DLGAP1: variants seen among roughly 807,000 people sequenced by gnomAD.
The protein encoded by DLGAP1 is disks large-associated protein 1.
Under a neutral mutation model 90.8 loss-of-function variants are expected in DLGAP1, and 11 were observed. The ratio of observed to expected loss-of-function variants is 0.12; its 90% confidence interval spans 0.08 to 0.20. The LOEUF (loss-of-function observed/expected upper bound fraction) is 0.20. Among genes scored for constraint, DLGAP1 ranks in the 10% least tolerant of loss-of-function variants. The pLI is 1.00. For missense variants in DLGAP1, 1,050 were observed against 1,333.8 expected (o/e 0.79, Z 3.31); for synonymous variants, 558 against 540.7 (o/e 1.03, Z -0.44).
chr18:3,778,553 G>A (rs774403971), intron 5 of DLGAP1, among the ~76,000 whole-genome samples: 9 of 152,158 alleles, frequency 5.9e-5, no homozygotes, highest in Non-Finnish European at 8.8e-5. Context: ...AGTGTGGGCT[G>A]TATAGGCAGG....
At chr18:4,370,570 G>C (rs576750890) in intron 1 of DLGAP1, among the ~76,000 whole-genome samples, 138 of 152,262 alleles carry the variant, frequency 9.1e-4, no homozygotes, top group African/African-American at 3.1e-3. Flanking sequence ...ATGGTACCAA[G>C]TATTGTCTCT....
At chr18:3,701,496 CAGA>C (rs1490253084) in intron 7 of DLGAP1, among the ~76,000 whole-genome samples, 8 of 152,184 alleles carry the variant, frequency 5.3e-5, no homozygotes, top group Non-Finnish European at 1.2e-4. Flanking sequence ...CCGGGCAAAG[CAGA>C]AGGATTCGAC....
intron 9 of DLGAP1, among the ~76,000 whole-genome samples, chr18:3,564,240 A>C (rs1269330031): frequency 6.6e-6 from 1 of 152,194 alleles, no homozygotes; most frequent in Non-Finnish European, 1.5e-5. Flanking sequence ...CAGTTCTATG[A>C]TTAGTCTCAG....
intron 1 of DLGAP1, among the ~76,000 whole-genome samples, chr18:4,449,158 A>G (rs1361219291): frequency 6.6e-6 from 1 of 152,214 alleles, no homozygotes; most frequent in Non-Finnish European, 1.5e-5. Flanking sequence ...GGTAGGAAAG[A>G]AGTTTATGCT....
At chr18:3,730,738 A>G (rs1332582946) in intron 6 of DLGAP1, among the ~76,000 whole-genome samples, 1 of 152,200 alleles carries the variant, frequency 6.6e-6, no homozygotes, top group Non-Finnish European at 1.5e-5. Flanking sequence ...AAAGTGACCA[A>G]TTACCTTAAG....
chr18:4,413,296 T>A (rs3891478), intron 1 of DLGAP1, among the ~76,000 whole-genome samples: 58,728 of 151,916 alleles, frequency 0.39, 11,730 homozygotes, highest in Non-Finnish European at 0.43. Context: ...TCCCCATGAG[T>A]TTAAATGAAG....
chr18:4,091,106 G>A (rs1346627595), intron 2 of DLGAP1, among the ~76,000 whole-genome samples: 1 of 152,198 alleles, frequency 6.6e-6, no homozygotes, highest in Non-Finnish European at 1.5e-5. Flanking sequence ...GGTGGGGGTA[G>A]GGAGAGCATC....
intron 1 of DLGAP1, among the ~76,000 whole-genome samples, chr18:4,429,160 T>A (rs1402467141): frequency 6.6e-6 from 1 of 152,252 alleles, no homozygotes; most frequent in Non-Finnish European, 1.5e-5. Context: ...CATTTATATA[T>A]AAAGGCAATT....
chr18:3,742,189 C>G (rs908380722), intron 6 of DLGAP1, 146 bp downstream of exon 6: 3 of 1,046,328 alleles, frequency 2.9e-6, no homozygotes, highest in Non-Finnish European at 4.1e-6. Context: ...ATGGCATGCT[C>G]TTTGCAGCAC....
chr18:4,030,110 A>G (rs2074771481), intron 2 of DLGAP1, among the ~76,000 whole-genome samples: 1 of 152,172 alleles, frequency 6.6e-6, no homozygotes, highest in Non-Finnish European at 1.5e-5. Context: ...CTCCTGCCTC[A>G]GCCTCCCAAA....
chr18:4,306,065 C>CACACACACAT (rs1555779966), intron 1 of DLGAP1, among the ~76,000 whole-genome samples: 7 of 131,602 alleles, frequency 5.3e-5, no homozygotes, highest in African/African-American at 1.4e-4. Context: ...CACACACACA[C>CACACACACAT]GGGGGAGAGG....
At chr18:3,841,089 T>C (rs956408102) in intron 4 of DLGAP1, among the ~76,000 whole-genome samples, 1 of 152,220 alleles carries the variant, frequency 6.6e-6, no homozygotes, top group Admixed American at 6.5e-5. Context: ...CAAGTAGCAG[T>C]TTGCTTCCCC....
chr18:3,754,594 AAAGAGGGG>A (rs1359556021), intron 5 of DLGAP1, among the ~76,000 whole-genome samples: 1 of 151,784 alleles, frequency 6.6e-6, no homozygotes, highest in African/African-American at 2.4e-5. Context: ...CTATATTATA[AAAGAGGGG>A]TGGGGGGTGG....
At chr18:3,890,762 T>C (rs533316825) in intron 3 of DLGAP1, among the ~76,000 whole-genome samples, 8 of 152,344 alleles carry the variant, frequency 5.3e-5, no homozygotes, top group South Asian at 2.1e-4. Context: ...AGGGTCTTGC[T>C]GTATCACCCA....
chr18:3,704,396 C>A (rs1180307849), intron 7 of DLGAP1, among the ~76,000 whole-genome samples: 3 of 151,928 alleles, frequency 2.0e-5, no homozygotes, highest in Admixed American at 1.3e-4. Flanking sequence ...CATGGTGAAA[C>A]CCTGTCTCTA....
chr18:4,012,307 G>A (rs1281846634), intron 2 of DLGAP1, among the ~76,000 whole-genome samples: 1 of 152,116 alleles, frequency 6.6e-6, no homozygotes, highest in Non-Finnish European at 1.5e-5. Flanking sequence ...CCGAGGCAAA[G>A]TTCAGGCTCC....
chr18:3,585,919 T>G (rs588163), intron 7 of DLGAP1, among the ~76,000 whole-genome samples: 69,053 of 152,050 alleles, frequency 0.45, 15,971 homozygotes, highest in East Asian at 0.54. Flanking sequence ...GAGGGGCTAG[T>G]TCACATTGTT....
chr18:4,201,340 G>A (rs970889314), intron 1 of DLGAP1, among the ~76,000 whole-genome samples: 8 of 152,054 alleles, frequency 5.3e-5, no homozygotes, highest in South Asian at 2.1e-4. Flanking sequence ...TTCCACATGT[G>A]GCTATCCAAT....
intron 1 of DLGAP1, among the ~76,000 whole-genome samples, chr18:4,438,431 C>CAA (rs11389361): frequency 0.46 from 23,971 of 51,916 alleles, 8,646 homozygotes; most frequent in Non-Finnish European, 0.54. Context: ...GACTCCATCT[C>CAA]AAAAAAAAAA....
Sources: gnomAD v4.1 joint callset for allele counts (sites outside exome capture counted in the v4.1 genomes callset) on GRCh38, gnomAD v4.1.1 for gene constraint, MANE v1.5 for transcripts, NCBI Gene and HGNC (gene_info 2026-07-23, HGNC 2026-07-21) for gene names.